DPP10: variants seen among roughly 807,000 people sequenced by gnomAD.
DPP10 encodes inactive dipeptidyl peptidase 10.
Under a neutral mutation model 120.9 loss-of-function variants are expected in DPP10, and 33 were observed. The ratio of observed to expected loss-of-function variants is 0.27; its 90% CI spans 0.21 to 0.37. DPP10 has a LOEUF of 0.37. Ranked by LOEUF, DPP10 falls within the 10% of genes least tolerant of loss-of-function variation. DPP10 has a pLI of 1.00. For synonymous variants in DPP10, 337 were observed against 326.1 expected, an observed-to-expected ratio of 1.03 and a Z score of -0.36; for missense variants, 816 against 942.8, an observed-to-expected ratio of 0.87 and a Z score of 1.76.
At chr2:114,981,567 C>T (rs1385055751) in intron 1 of DPP10, among the ~76,000 whole-genome samples, 1 of 151,868 alleles carries the variant, frequency 6.6e-6, no homozygotes, top group African/African-American at 2.4e-5. Flanking sequence ...CTAAGTGAGA[C>T]CCCTTTCTCT....
rs554850353 is a variant in DPP10, at chr2:115,506,196, C to A, written c.366+6592C>A. 4.6e-4 allele frequency among the ~76,000 whole-genome samples: 70 copies of A among 152,178 alleles called. 1 individual carries two copies. Among genetic ancestry groups the A allele is most frequent in the African/African-American group, 1.6e-3 (68 of 41,548 alleles). ...CGTTGCCAAAACTTCTGCAGCCCTT[C>A]CACACTTCACATTACATAATACAGA... On this transcript the variant is annotated intron_variant, in intron 4 of 25. Coordinates refer to ENST00000410059, the MANE Select transcript of DPP10 (RefSeq NM_020868.6).
chr2:114,527,336 C>T (rs1465461138), intron 1 of DPP10, among the ~76,000 whole-genome samples: 1 of 152,106 alleles, frequency 6.6e-6, no homozygotes, highest in African/African-American at 2.4e-5. Context: ...AGCAAGTGAG[C>T]AGCACATCGC....
chr2:115,743,795 T>A (rs1677599836), intron 9 of DPP10, among the ~76,000 whole-genome samples: 1 of 150,662 alleles, frequency 6.6e-6, no homozygotes, highest in Admixed American at 7.0e-5. Flanking sequence ...CATGTGCTCA[T>A]AACCATGCCA....
intron 19 of DPP10, among the ~76,000 whole-genome samples, chr2:115,796,275 A>G (rs1684517875): frequency 6.6e-6 from 1 of 152,104 alleles, no homozygotes; most frequent in Non-Finnish European, 1.5e-5. Flanking sequence ...ACACTTCCAG[A>G]TAACTTTATG....
At chr2:115,165,784 C>T (rs1256389369) in intron 1 of DPP10, among the ~76,000 whole-genome samples, 1 of 152,034 alleles carries the variant, frequency 6.6e-6, no homozygotes, top group East Asian at 1.9e-4. Context: ...CTCTCAGCTC[C>T]AAAAGCAAAA....
chr2:115,189,211 C>T (rs1210555695), intron 1 of DPP10, among the ~76,000 whole-genome samples: 1 of 152,224 alleles, frequency 6.6e-6, no homozygotes, highest in African/African-American at 2.4e-5. Flanking sequence ...ACTGCTGTGT[C>T]ATTCCCCTGT....
At chr2:114,995,214 C>G (rs1701002463) in intron 1 of DPP10, among the ~76,000 whole-genome samples, 1 of 152,186 alleles carries the variant, frequency 6.6e-6, no homozygotes, top group Non-Finnish European at 1.5e-5. Context: ...CCGTGGCCAT[C>G]CTGGACCAAA....
chr2:115,683,762 G>A (rs2090810271), intron 5 of DPP10, among the ~76,000 whole-genome samples: 1 of 151,802 alleles, frequency 6.6e-6, no homozygotes, highest in South Asian at 2.1e-4. Flanking sequence ...TTTACTGTTT[G>A]CCACTTACCA....
At chr2:114,995,007 C>T (rs574477893) in intron 1 of DPP10, among the ~76,000 whole-genome samples, 3 of 152,186 alleles carry the variant, frequency 2.0e-5, no homozygotes, top group South Asian at 2.1e-4. Context: ...GCCGTTTTGA[C>T]GCTGAGCTTG....
chr2:115,076,578 C>T (rs779398050), intron 1 of DPP10, among the ~76,000 whole-genome samples: 13 of 152,056 alleles, frequency 8.5e-5, no homozygotes, highest in African/African-American at 4.8e-5. Flanking sequence ...TAACGTTTAT[C>T]GAAATAGCAC....
chr2:114,781,846 G>A (rs942920039), intron 1 of DPP10, among the ~76,000 whole-genome samples: 5 of 152,138 alleles, frequency 3.3e-5, no homozygotes, highest in Non-Finnish European at 7.4e-5. Context: ...ACTGGAAGGA[G>A]CGTCCAGGGC....
chr2:115,643,596 A>C (rs190205588), intron 5 of DPP10, among the ~76,000 whole-genome samples: 1 of 152,346 alleles, frequency 6.6e-6, no homozygotes, highest in East Asian at 1.9e-4. Flanking sequence ...CGTTATAAAA[A>C]CAGAGTTATA....
At chr2:115,328,917 CCTT>C (rs762551329) in intron 2 of DPP10, among the ~76,000 whole-genome samples, 2 of 152,178 alleles carry the variant, frequency 1.3e-5, no homozygotes, top group Non-Finnish European at 2.9e-5. Flanking sequence ...TAAAATATGA[CCTT>C]CTAACTCTGA....
rs186931524 is a variant in DPP10 at position 115,490,452 on chromosome 2, T to G, written c.272-9058T>G. ...CACATGGGGATTATAAGGATTACAATTCAAGATGAGATTTGGGTGGGGACA... is the reference window on the plus strand; with the variant it reads ...CACATGGGGATTATAAGGATTACAAGTCAAGATGAGATTTGGGTGGGGACA... On this transcript the variant is annotated intron_variant, in intron 3 of 25. Coordinates refer to ENST00000410059, the MANE Select transcript of DPP10 (RefSeq NM_020868.6). Among the ~76,000 whole-genome samples, 311 of 152,256 alleles carry G rather than the reference T, an allele frequency of 2.0e-3. 1 individual carries two copies. The highest frequency in any genetic ancestry group is 7.0e-3 in the African/African-American group (290 of 41,568).
intron 1 of DPP10, among the ~76,000 whole-genome samples, chr2:115,030,984 T>G (rs977423008): frequency 7.9e-5 from 12 of 152,130 alleles, no homozygotes; most frequent in African/African-American, 2.9e-4. Flanking sequence ...AGCCACACAA[T>G]TCTGGGAATT....
At chr2:115,467,448 G>A (rs1456236627) in intron 3 of DPP10, among the ~76,000 whole-genome samples, 3 of 151,772 alleles carry the variant, frequency 2.0e-5, no homozygotes, top group African/African-American at 7.3e-5. Context: ...GTGGTGGTGG[G>A]CACTTGTAAT....
intron 1 of DPP10, among the ~76,000 whole-genome samples, chr2:114,756,921 A>G (rs1049726927): frequency 2.0e-5 from 3 of 152,176 alleles, no homozygotes; most frequent in Admixed American, 2.0e-4. Flanking sequence ...GGTATTTTGT[A>G]CATTGATTTT....
At chr2:114,961,751 C>T (rs993130414) in intron 1 of DPP10, among the ~76,000 whole-genome samples, 1 of 151,980 alleles carries the variant, frequency 6.6e-6, no homozygotes, top group Admixed American at 6.6e-5. Context: ...GTCAGGAGTT[C>T]GAGACCAGTC....
intron 1 of DPP10, 29 bp from the exon 2 acceptor site, chr2:115,309,209 AT>A: frequency 6.3e-7 from 1 of 1,575,096 alleles, no homozygotes; most frequent in Non-Finnish European, 8.7e-7. Flanking sequence ...AGCATGAATA[AT>A]TACAAAACTT....
Sources: gnomAD v4.1 joint callset for allele counts (sites outside exome capture counted in the v4.1 genomes callset) on GRCh38, gnomAD v4.1.1 for gene constraint, MANE v1.5 for transcripts, NCBI Gene and HGNC (gene_info 2026-07-23, HGNC 2026-07-21) for gene names.